Variants in ZNF804B observed in about 807,000 individuals in gnomAD.
ZNF804B encodes the protein zinc finger protein 804B.
Under a neutral mutation model 101.4 loss-of-function variants are expected in ZNF804B, and 80 were observed. The ratio of observed to expected loss-of-function variants is 0.79; its 90% CI spans 0.66 to 0.95. ZNF804B has a LOEUF of 0.95. Ranked by LOEUF, ZNF804B falls within the 40% of genes least tolerant of loss-of-function variation. The pLI, the probability that ZNF804B is intolerant of heterozygous loss-of-function variation, is 0.00. For missense variants in ZNF804B, 1,673 were observed against 1,561.9 expected, an observed-to-expected ratio of 1.07 and a Z score of -1.20; for synonymous variants, 622 against 558.8, an observed-to-expected ratio of 1.11 and a Z score of -1.59.
intron 1 of ZNF804B, among the ~76,000 whole-genome samples, chr7:89,053,530 G>A (rs1049677488): frequency 6.6e-6 from 1 of 152,030 alleles, no homozygotes; most frequent in African/African-American, 2.4e-5. Flanking sequence ...GAACTTTGCA[G>A]CAGGGATCAA....
chr7:88,906,040 C>G (rs1792465538), intron 1 of ZNF804B, among the ~76,000 whole-genome samples: 1 of 151,180 alleles, frequency 6.6e-6, no homozygotes, highest in Admixed American at 6.6e-5. Context: ...TCCATTTTCT[C>G]TAGATTTTCT....
intron 1 of ZNF804B, among the ~76,000 whole-genome samples, chr7:89,126,365 A>G (rs530298881): frequency 6.6e-6 from 1 of 152,110 alleles, no homozygotes; most frequent in East Asian, 1.9e-4. Flanking sequence ...ATACTGAATT[A>G]CACCGTCTTG....
chr7:89,007,898 A>G (rs1361340438), intron 1 of ZNF804B, among the ~76,000 whole-genome samples: 1 of 151,944 alleles, frequency 6.6e-6, no homozygotes, highest in African/African-American at 2.4e-5. Flanking sequence ...AAATTAGTTA[A>G]TAACCTATAA....
At chr7:89,096,071 C>T (rs946710799) in intron 1 of ZNF804B, among the ~76,000 whole-genome samples, 35 of 150,780 alleles carry the variant, frequency 2.3e-4, no homozygotes, top group Non-Finnish European at 8.8e-5. Flanking sequence ...AGGAGAATGG[C>T]GTGAACCCAG....
At chr7:89,270,240 G>T (rs1789870167) in intron 2 of ZNF804B, among the ~76,000 whole-genome samples, 1 of 152,130 alleles carries the variant, frequency 6.6e-6, no homozygotes, top group Admixed American at 6.5e-5. Flanking sequence ...ATTAATTTTT[G>T]TATAAGGTGT....
intron 1 of ZNF804B, among the ~76,000 whole-genome samples, chr7:89,082,248 A>T (rs1333807977): frequency 6.6e-6 from 1 of 151,738 alleles, no homozygotes; most frequent in Admixed American, 6.6e-5. Flanking sequence ...TTAAAATTTG[A>T]ATATAAATAG....
intron 1 of ZNF804B, among the ~76,000 whole-genome samples, chr7:89,098,124 A>C (rs1046206133): frequency 6.6e-6 from 1 of 151,984 alleles, no homozygotes; most frequent in Non-Finnish European, 1.5e-5. Flanking sequence ...TGATGGGGAG[A>C]CTAGGAAGTT....
At chr7:88,829,639 G>C (rs1791102588) in intron 1 of ZNF804B, among the ~76,000 whole-genome samples, 1 of 152,016 alleles carries the variant, frequency 6.6e-6, no homozygotes, top group African/African-American at 2.4e-5. Flanking sequence ...AGATAAAAAA[G>C]AGAAGAAGTT....
chr7:88,956,100 A>C (rs1042801005), intron 1 of ZNF804B, among the ~76,000 whole-genome samples: 1 of 151,640 alleles, frequency 6.6e-6, no homozygotes. Context: ...GCTGGTGAGG[A>C]TGTGGAGAAG....
intron 1 of ZNF804B, among the ~76,000 whole-genome samples, chr7:89,097,717 G>A (rs1025055812): frequency 6.6e-6 from 1 of 152,064 alleles, no homozygotes; most frequent in Non-Finnish European, 1.5e-5. Context: ...TATAATACAG[G>A]ACTCTGATTA....
intron 2 of ZNF804B, among the ~76,000 whole-genome samples, chr7:89,303,679 T>TG (rs1227586788): frequency 3.3e-5 from 5 of 152,086 alleles, no homozygotes; most frequent in Non-Finnish European, 5.9e-5. Flanking sequence ...ATCTGACATG[T>TG]GAAAATCTTA....
intron 2 of ZNF804B, among the ~76,000 whole-genome samples, chr7:89,308,843 G>T (rs1428610138): frequency 1.3e-5 from 2 of 152,174 alleles, no homozygotes; most frequent in African/African-American, 4.8e-5. Context: ...AGAAGTGGCT[G>T]TTTTTATATT....
At chr7:88,937,115 C>CAAAAAAAAA (rs3034325) in intron 1 of ZNF804B, among the ~76,000 whole-genome samples, 2 of 110,936 alleles carry the variant, frequency 1.8e-5, no homozygotes, top group African/African-American at 6.9e-5. Flanking sequence ...ATGAGAATAG[C>CAAAAAAAAA]AAAAAAAAAA....
chr7:89,123,188 A>T (rs990401979), intron 1 of ZNF804B, among the ~76,000 whole-genome samples: 3 of 150,514 alleles, frequency 2.0e-5, no homozygotes, highest in African/African-American at 7.4e-5. Context: ...GAGATCACTA[A>T]GCAAATATTT....
chr7:89,298,438 A>G (rs113334683), intron 2 of ZNF804B, among the ~76,000 whole-genome samples: 2,855 of 149,644 alleles, frequency 0.019, 78 homozygotes, highest in African/African-American at 0.066. Context: ...CTCTATTTCT[A>G]TAATCAGCAC....
chr7:88,801,701 T>A (rs1463152146), intron 1 of ZNF804B, among the ~76,000 whole-genome samples: 1 of 151,918 alleles, frequency 6.6e-6, no homozygotes, highest in Admixed American at 6.6e-5. Context: ...AGAAAAAATT[T>A]TAAAAAAGAA....
intron 1 of ZNF804B, among the ~76,000 whole-genome samples, chr7:88,998,271 A>G (rs890826031): frequency 6.6e-6 from 1 of 152,076 alleles, no homozygotes; most frequent in Non-Finnish European, 1.5e-5. Context: ...CACAACGCTC[A>G]TCACTTTAAG....
intron 1 of ZNF804B, among the ~76,000 whole-genome samples, chr7:88,920,879 A>G (rs896625812): frequency 3.3e-5 from 5 of 152,056 alleles, no homozygotes; most frequent in African/African-American, 1.2e-4. Flanking sequence ...TTATAACCTA[A>G]AGTCATGAGT....
chr7:88,969,697 T>G (rs576446384), intron 1 of ZNF804B, among the ~76,000 whole-genome samples: 11 of 151,760 alleles, frequency 7.2e-5, no homozygotes, highest in African/African-American at 2.6e-4. Context: ...ACTTTGCACC[T>G]GAAACACTTT....
Sources: allele counts gnomAD v4.1 joint callset (sites outside exome capture counted in the v4.1 genomes callset), GRCh38; gene constraint gnomAD v4.1.1; transcripts MANE v1.5; gene names NCBI Gene and HGNC (gene_info 2026-07-23, HGNC 2026-07-21).